Variants in MS4A4E observed in about 807,000 individuals in gnomAD.
MS4A4E encodes putative membrane-spanning 4-domains subfamily A member 4E.
In MS4A4E, 23 loss-of-function variants were observed where a neutral mutation model predicts 13.3. The ratio of observed to expected loss-of-function variants is 1.73; its 90% CI spans 1.25 to 2.45. MS4A4E has a LOEUF of 2.45. Among genes scored for constraint, MS4A4E ranks in the 30% most tolerant of loss-of-function variants. The pLI, the probability that MS4A4E is intolerant of heterozygous loss-of-function variation, is 0.00. For synonymous variants in MS4A4E, 36 were observed against 45.6 expected, an observed-to-expected ratio of 0.79 and a Z score of 0.85; for missense variants, 144 against 131.2, an observed-to-expected ratio of 1.10 and a Z score of -0.48.
Position 60,200,998 on chromosome 11 carries a change from G to A in MS4A4E, c.*545C>T, listed in dbSNP as rs1590698757. On this transcript the variant is annotated 3_prime_UTR_variant, in exon 9 of 9. Coordinates refer to ENST00000651255, the MANE Select transcript of MS4A4E (RefSeq NM_001393391.1). ...ACCCCCCACCTCCCTCCCGGACGGG[G>A]CGGCTGGCCGGGCAGAGGGCTGACC... Among the ~76,000 whole-genome samples the A allele has an allele frequency of 6.7e-6, 1 of 149,392 alleles. No individual in the cohort carries two copies. Among genetic ancestry groups the A allele is most frequent in the Middle Eastern group, 3.5e-3 (1 of 284 alleles).
At chr11:60,232,493 T>C (rs1435617381) in intron 1 of MS4A4E, among the ~76,000 whole-genome samples, 1 of 152,182 alleles carries the variant, frequency 6.6e-6, no homozygotes, top group African/African-American at 2.4e-5. Flanking sequence ...GAACCAGCTC[T>C]GAGTCAGGAG....
chr11:60,222,893 A>G (rs1370061870), intron 3 of MS4A4E, among the ~76,000 whole-genome samples: 1 of 152,184 alleles, frequency 6.6e-6, no homozygotes, highest in Non-Finnish European at 1.5e-5. Context: ...GAGGTAAGGA[A>G]GTATGTGTGG....
rs971139083 is a variant in MS4A4E at position 60,201,093 on chromosome 11, G to A, written c.*450C>T. On this transcript the variant is annotated 3_prime_UTR_variant, in exon 9 of 9. Transcript: ENST00000651255. ...TGAACCCCCCACCTCCCTCCCGGAC[G>A]GGGCGGCTGGCCGGGCGGGGTCTGA... Among the ~76,000 whole-genome samples, 2 of 140,692 alleles carry A rather than the reference G, an allele frequency of 1.4e-5. No individual in the cohort carries two copies. The highest frequency in any genetic ancestry group is 2.3e-4 in the East Asian group (1 of 4,422). 92.3% of individuals were successfully genotyped at this position (140,692 alleles called of 152,430 possible). A position where few individuals can be genotyped will look rare whatever the true frequency, so the allele number is the denominator to read the frequency against.
At position 60,213,059 on chromosome 11, in the gene MS4A4E, C is replaced by A. The variant is rs533511695; in HGVS notation, c.296G>T (p.Ser99Ile). 59 of 491,586 alleles carry A rather than the reference C, an allele frequency of 1.2e-4. No individual in the cohort carries two copies. Among genetic ancestry groups the A allele is most frequent in the African/African-American group, 1.1e-3 (57 of 50,774 alleles). 30.5% of individuals were successfully genotyped at this position (491,586 alleles called of 1,614,324 possible). The change falls in exon 5 of 9, where the codon AGC becomes ATC. Residue 99 changes from serine to isoleucine, a missense_variant. Coordinates refer to ENST00000651255, the MANE Select transcript of MS4A4E (RefSeq NM_001393391.1). ...GTAACGGAATGAATAAAACGTCAAG[C>A]TTATTGCATTGATTAAGATCCCTGA... Reference protein sequence around the residue: ...AISGILINAISLTFYSFRYHY... With the variant: ...AISGILINAIILTFYSFRYHY...
At chr11:60,211,036 C>T (rs957463378) in intron 5 of MS4A4E, among the ~76,000 whole-genome samples, 1 of 152,206 alleles carries the variant, frequency 6.6e-6, no homozygotes, top group African/African-American at 2.4e-5. Flanking sequence ...CTGCACAGGT[C>T]CCATGCCCAC....
chr11:60,212,834 A>C (rs571942410), intron 5 of MS4A4E, among the ~76,000 whole-genome samples, 140 bp downstream of exon 5: 34 of 152,358 alleles, frequency 2.2e-4, no homozygotes, highest in African/African-American at 7.9e-4. Context: ...CCTAAATGAA[A>C]GATTATTCTA....
intron 1 of MS4A4E, among the ~76,000 whole-genome samples, chr11:60,235,869 A>T (rs990257285): frequency 2.6e-5 from 4 of 152,190 alleles, no homozygotes; most frequent in Non-Finnish European, 5.9e-5. Context: ...ATAGGTCTCA[A>T]TATACCTAAA....
intron 1 of MS4A4E, 58 bp from the exon 2 acceptor site, chr11:60,230,129 A>C: frequency 2.0e-6 from 3 of 1,507,572 alleles, no homozygotes; most frequent in Non-Finnish European, 2.6e-6. Flanking sequence ...GAAAGTCTTG[A>C]CACTTTGGGG....
intron 5 of MS4A4E, chr11:60,209,236 T>G (rs763134916): frequency 3.3e-5 from 5 of 152,250 alleles, no homozygotes; most frequent in Non-Finnish European, 7.3e-5. Flanking sequence ...AGAATTTTCC[T>G]GGATTATTCA....
intron 3 of MS4A4E, among the ~76,000 whole-genome samples, chr11:60,226,426 G>T (rs2084345110): frequency 2.6e-5 from 4 of 151,996 alleles, no homozygotes; most frequent in Non-Finnish European, 5.9e-5. Flanking sequence ...TGTATCAAAA[G>T]AATTATATAC....
chr11:60,230,289 T>C (rs2084392416), intron 1 of MS4A4E, among the ~76,000 whole-genome samples: 1 of 152,166 alleles, frequency 6.6e-6, no homozygotes, highest in Non-Finnish European at 1.5e-5. Flanking sequence ...ATCAATAATA[T>C]GCTAGGAGAG....
intron 1 of MS4A4E, among the ~76,000 whole-genome samples, chr11:60,233,780 C>G (rs2084444400): frequency 6.6e-6 from 1 of 152,200 alleles, no homozygotes; most frequent in Non-Finnish European, 1.5e-5. Context: ...TCAGAGCCAA[C>G]ACAGAGAGTC....
chr11:60,221,591 T>C (rs1447677847), intron 3 of MS4A4E, among the ~76,000 whole-genome samples: 3 of 152,170 alleles, frequency 2.0e-5, no homozygotes, highest in Admixed American at 6.5e-5. Context: ...AGGAAAATCG[T>C]CCCAGTGGGC....
chr11:60,241,242 T>C (rs2084546608), intron 1 of MS4A4E, among the ~76,000 whole-genome samples: 3 of 152,168 alleles, frequency 2.0e-5, no homozygotes, highest in Admixed American at 6.5e-5. Flanking sequence ...GCCAGGATGG[T>C]CTCGATCCTC....
chr11:60,207,395 A>G (rs1162517855), intron 6 of MS4A4E, among the ~76,000 whole-genome samples: 4 of 152,202 alleles, frequency 2.6e-5, no homozygotes, highest in Admixed American at 6.5e-5. Context: ...ACTTCACTTG[A>G]TGAAATTACA....
intron 3 of MS4A4E, among the ~76,000 whole-genome samples, chr11:60,214,916 A>T (rs1426585474): frequency 6.6e-6 from 1 of 152,186 alleles, no homozygotes; most frequent in African/African-American, 2.4e-5. Flanking sequence ...ATAAGAAGTA[A>T]TTCTTATATG....
chr11:60,228,702 G>A (rs2084372971), intron 2 of MS4A4E, 75 bp from the exon 3 acceptor site: 1 of 674,838 alleles, frequency 1.5e-6, no homozygotes, highest in Non-Finnish European at 2.7e-6. Flanking sequence ...CCTTCTGTAG[G>A]TGAATGCATA....
At chr11:60,207,300 C>G (rs1328517495) in intron 6 of MS4A4E, among the ~76,000 whole-genome samples, 2 of 152,120 alleles carry the variant, frequency 1.3e-5, no homozygotes, top group African/African-American at 4.8e-5. Flanking sequence ...TGGACTCAAA[C>G]CAGGGGATTA....
At chr11:60,242,445 G>A (rs904279431) in intron 1 of MS4A4E, among the ~76,000 whole-genome samples, 1 of 152,164 alleles carries the variant, frequency 6.6e-6, no homozygotes, top group Non-Finnish European at 1.5e-5. Flanking sequence ...GGAGAACTAC[G>A]TCAGGCCACA....
Sources: allele counts gnomAD v4.1 joint callset (sites outside exome capture counted in the v4.1 genomes callset), GRCh38; gene constraint gnomAD v4.1.1; transcripts MANE v1.5; gene names NCBI Gene and HGNC (gene_info 2026-07-23, HGNC 2026-07-21).